Variants in PLEKHN1 observed in about 807,000 individuals in gnomAD.
PLEKHN1 encodes pleckstrin homology domain containing N1.
Under a neutral mutation model 72.8 loss-of-function variants are expected in PLEKHN1, and 68 were observed. The ratio of observed to expected loss-of-function variants is 0.93; its 90% CI spans 0.77 to 1.14. The LOEUF (loss-of-function observed/expected upper bound fraction) is 1.14, where lower values mean the gene tolerates loss of function less well. PLEKHN1 is among the 50% of genes most tolerant of loss of function. The probability of loss-of-function intolerance (pLI) is 0.00; values close to 1 mark genes in which losing one functional copy is unlikely to be tolerated. For synonymous variants in PLEKHN1, 454 were observed against 371.6 expected, an observed-to-expected ratio of 1.22 and a Z score of -2.55; for missense variants, 1,015 against 840.5, an observed-to-expected ratio of 1.21 and a Z score of -2.57.
Position 971,001 on chromosome 1 carries a change from C to G in PLEKHN1, c.607C>G (p.Pro203Ala), listed in dbSNP as rs1469260222. 2 of 1,603,418 alleles carry G rather than the reference C, an allele frequency of 1.2e-6. No homozygotes were observed. Among genetic ancestry groups the G allele is most frequent in the Admixed American group, 1.7e-5 (1 of 58,984 alleles). Residue 203 changes from proline to alanine, a missense_variant, in exon 6 of 16, where the codon CCA (proline) becomes GCA (alanine). By Grantham distance (27) the Pro-to-Ala change is conservative. Coordinates refer to ENST00000379410, the MANE Select transcript of PLEKHN1 (RefSeq NM_032129.3). Reference protein sequence around the residue: ...GGPRRCHSAPPQRRLTRLRTA... With the variant: ...GGPRRCHSAPAQRRLTRLRTA... ...GCCGCGGCGCTGCCACTCGGCACCC[C>G]CACAGGTCAGTGCCGGGGACCCCAC... is the stretch of plus-strand genomic sequence containing the variant.
rs1289182988 is a variant in PLEKHN1, at chr1:974,471, C to T, written c.1732C>T (p.Pro578Ser). The T allele has an allele frequency of 3.7e-6, 6 of 1,612,770 alleles. No homozygotes were observed. In the African/African-American group the frequency reaches 4.0e-5, roughly 11 times the overall value. The change falls in exon 16 of 16, where the codon CCC becomes TCC. Residue 578 changes from proline (P) to serine (S), a missense_variant. Transcript: ENST00000379410. ...DGRSPRRSRD[P>S]GYDHLWDETL... ...TCGGTCCCCCAGGAGGAGCCGGGAC[C>T]CCGGCTACGACCACCTCTGGGACGA...
rs1039118324 is a variant in PLEKHN1, at chr1:971,204, C to A, written c.704C>A (p.Ala235Glu). 1.2e-5 allele frequency: 19 copies of A among 1,575,770 alleles called. No homozygotes were observed. Among genetic ancestry groups the A allele is most frequent in the Non-Finnish European group, 1.5e-5 (17 of 1,161,136 alleles). ...AGGGTCAAGCTGCAGCACCTGCCCG[C>A]ACAGGTGGGTGGGAGGTGCGTGGGG... The part of the protein sequence containing the change: ...ASRVKLQHLP[A>E]QEQWDRLLVL... The change falls in exon 7 of 16, where the codon GCA becomes GAA. Residue 235 changes from alanine (A) to glutamate (E), a missense_variant. Ala to Glu is a moderately radical substitution (Grantham distance 107, BLOSUM62 -1). Coordinates refer to ENST00000379410, the MANE Select transcript of PLEKHN1 (RefSeq NM_032129.3).
At chr1:971,298 G>A (rs760783619) in intron 7 of PLEKHN1, 26 bp from the exon 8 acceptor site, 45 of 1,557,752 alleles carry the variant, frequency 2.9e-5, no homozygotes, top group Admixed American at 5.7e-5. Context: ...TTCCCTCATC[G>A]CCTGACCCCA....
chr1:974,197 G>A, intron 14 of PLEKHN1, 119 bp from the exon 15 acceptor site: 1 of 1,531,724 alleles, frequency 6.5e-7, no homozygotes, highest in Admixed American at 1.7e-5. Flanking sequence ...AGGGAGTTGG[G>A]GAGATGGGAC....
chr1:969,642 G>T (rs1643189529), intron 2 of PLEKHN1, among the ~76,000 whole-genome samples: 1 of 138,866 alleles, frequency 7.2e-6, no homozygotes. Flanking sequence ...AACTGTGTAT[G>T]TGTGCACGTG....
chr1:966,778 A>G lies in PLEKHN1; in HGVS notation c.158A>G (p.Lys53Arg). ...AARSGDAAAN[K>R]LFHYIPGTDI... ...CGAAGCGGGGACGCCGCCGCCAACA[A>G]GCTCTTCCACTACATCCCGGGCACG... is the stretch of plus-strand genomic sequence containing the variant. The change falls in exon 2 of 16, where the codon AAG becomes AGG. Residue 53 changes from lysine (K) to arginine (R), a missense_variant. Physicochemically the swap from Lys to Arg is conservative, Grantham distance 26. Transcript: ENST00000379410. 5.1e-6 allele frequency: 8 copies of G among 1,569,948 alleles called. No homozygotes were observed. Among genetic ancestry groups the G allele is most frequent in the South Asian group, 1.2e-5 (1 of 86,232 alleles).
At chr1:971,277 C>T (rs1040195353) in intron 7 of PLEKHN1, 47 bp from the exon 8 acceptor site, 18 of 1,555,132 alleles carry the variant, frequency 1.2e-5, no homozygotes, top group Admixed American at 1.9e-5. Context: ...GGCGGTGCAA[C>T]AGCAGCTCAG....
At position 973,291 on chromosome 1, in the gene PLEKHN1, G is replaced by A. The variant is rs1376966636; in HGVS notation, c.1258G>A (p.Gly420Ser). ...GAGCAAGGCCCGGGCAGAGGGCCGC[G>A]GCCCTGTCACCCCACTGCACCTGGA... ...PGSKARAEGR[G>S]PVTPLHLDLT... Residue 420 changes from glycine (G) to serine (S), a missense_variant, in exon 12 of 16, where the codon GGC becomes AGC. Coordinates refer to ENST00000379410, the MANE Select transcript of PLEKHN1 (RefSeq NM_032129.3). 11 of 1,543,288 alleles carry A rather than the reference G, an allele frequency of 7.1e-6. No individual in the cohort carries two copies. The highest frequency in any genetic ancestry group is 6.8e-5 in the African/African-American group (5 of 73,102).
At position 970,228 on chromosome 1, in the gene PLEKHN1, G is replaced by A. The variant is rs770396126; in HGVS notation, c.184-49G>A. 2.5e-6 allele frequency: 4 copies of A among 1,596,012 alleles called. No individual in the cohort carries two copies. The highest frequency in any genetic ancestry group is 3.4e-6 in the Non-Finnish European group (4 of 1,170,066). On this transcript the variant is annotated intron_variant, in intron 2 of 15. Transcript: ENST00000379410. The surrounding 1 kb of genome is among the most constrained non-coding windows in gnomAD (Gnocchi z 4.2). ...TAGCTGTGTGGATGCGAGCGGAGGG[G>A]GTGGGGGGCCCAGGGGAGGCCCCCT... is the stretch of plus-strand genomic sequence containing the variant.
intron 8 of PLEKHN1, 108 bp downstream of exon 8, chr1:971,512 C>T (rs906278496): frequency 1.4e-5 from 15 of 1,083,628 alleles, no homozygotes; most frequent in Non-Finnish European, 1.9e-5. Flanking sequence ...TGAGACAGAG[C>T]GCAGGGCCCT....
rs1042202561 is a variant in PLEKHN1, at chr1:974,861, G to A, written c.*286G>A. On this transcript the variant is annotated 3_prime_UTR_variant, in exon 16 of 16. Coordinates refer to ENST00000379410, the MANE Select transcript of PLEKHN1 (RefSeq NM_032129.3). Reference sequence around the variant, plus strand: ...ACAGGGTCGGCCCTCAGCTCAGCCCGCCAGGAGTCAGGGAGGAGACTCGCT... The same window carrying A: ...ACAGGGTCGGCCCTCAGCTCAGCCCACCAGGAGTCAGGGAGGAGACTCGCT... The A allele has an allele frequency of 9.5e-5, 43 of 454,756 alleles. No homozygotes were observed. The highest frequency in any genetic ancestry group is 7.5e-4 in the Admixed American group (20 of 26,604). 28.2% of individuals were successfully genotyped at this position (454,756 alleles called of 1,614,324 possible). A position where few individuals can be genotyped will look rare whatever the true frequency, so the allele number is the denominator to read the frequency against.
Position 966,795 on chromosome 1 carries a change from C to CCGGGCA in PLEKHN1, c.179_183+1dup. ...CGCCAACAAGCTCTTCCACTACATC[C>CCGGGCA]CGGGCACGGTGAGCGCGGCGTGCAC... On this transcript the variant is annotated inframe_insertion, in exon 2 of 16. Coordinates refer to ENST00000379410, the MANE Select transcript of PLEKHN1 (RefSeq NM_032129.3). 6.4e-7 allele frequency: 1 copy of CCGGGCA among 1,563,406 alleles called. No individual in the cohort carries two copies. The highest frequency in any genetic ancestry group is 8.7e-7 in the Non-Finnish European group (1 of 1,155,660).
intron 2 of PLEKHN1, among the ~76,000 whole-genome samples, chr1:969,647 CA>C (rs1643190370): frequency 1.5e-5 from 2 of 134,580 alleles, no homozygotes; most frequent in African/African-American, 7.3e-5. Context: ...TGTATGTGTG[CA>C]CGTGTGTATC....
At chr1:974,130 G>C in intron 14 of PLEKHN1, 79 bp downstream of exon 14, 1 of 1,495,164 alleles carries the variant, frequency 6.7e-7, no homozygotes, top group South Asian at 1.2e-5. Context: ...TTGGGACTCT[G>C]AGGGAGCAGG....
rs752454472 is a variant in PLEKHN1, at chr1:971,219, G to A, written c.708+11G>A. 1.3e-6 allele frequency: 2 copies of A among 1,569,106 alleles called. No homozygotes were observed. The highest frequency in any genetic ancestry group is 2.3e-5 in the South Asian group (2 of 85,542). On this transcript the variant is annotated intron_variant, in intron 7 of 15. Coordinates refer to ENST00000379410, the MANE Select transcript of PLEKHN1 (RefSeq NM_032129.3). ...CACCTGCCCGCACAGGTGGGTGGGA[G>A]GTGCGTGGGGCTGTAGGGGGATGGG...
Position 966,549 on chromosome 1 carries a change from T to G in PLEKHN1, c.18T>G (p.Cys6Trp). The part of the protein sequence containing the change: MGNSH[C>W]VPQAPRRLRA... Reference sequence around the variant, plus strand: ...CTCTGGCCATGGGGAACAGCCACTGTGTCCCTCAGGCCCCCAGGAGGCTCC... The same window carrying G: ...CTCTGGCCATGGGGAACAGCCACTGGGTCCCTCAGGCCCCCAGGAGGCTCC... The change falls in exon 1 of 16, where the codon TGT (cysteine) becomes TGG (tryptophan). Residue 6 changes from cysteine to tryptophan, a missense_variant. Physicochemically the swap from Cys to Trp is radical, Grantham distance 215. Transcript: ENST00000379410. 10 of 1,609,142 alleles carry G rather than the reference T, an allele frequency of 6.2e-6. No homozygotes were observed. Among genetic ancestry groups the G allele is most frequent in the Non-Finnish European group, 7.6e-6 (9 of 1,177,248 alleles).
chr1:971,542 C>T, intron 8 of PLEKHN1, 138 bp downstream of exon 8: 1 of 766,694 alleles, frequency 1.3e-6, no homozygotes, highest in East Asian at 2.7e-5. Flanking sequence ...GCCCGCGGTC[C>T]TGGTCAGTCT....
At position 966,798 on chromosome 1, in the gene PLEKHN1, G is replaced by A. The variant is rs751095637; in HGVS notation, c.178G>A (p.Gly60Ser). The A allele has an allele frequency of 3.8e-6, 6 of 1,560,906 alleles. No individual in the cohort carries two copies. Among genetic ancestry groups the A allele is most frequent in the Non-Finnish European group, 5.2e-6 (6 of 1,154,404 alleles). Residue 60 changes from glycine (G) to serine (S), a missense_variant, in exon 2 of 16, where the codon GGC (glycine) becomes AGC (serine). Gly to Ser is a moderately conservative substitution (Grantham distance 56). Coordinates refer to ENST00000379410, the MANE Select transcript of PLEKHN1 (RefSeq NM_032129.3). ...AANKLFHYIP[G>S]TDILDLENQR... ...CAACAAGCTCTTCCACTACATCCCG[G>A]GCACGGTGAGCGCGGCGTGCACGGT... is the stretch of plus-strand genomic sequence containing the variant.
chr1:973,640 G>A lies in PLEKHN1; in HGVS notation c.1434G>A (p.Glu478=), dbSNP rs777149439. Reference sequence around the variant, plus strand: ...TCACAGATGTCCGGGGCCTGGAGGAGGTCAGGCCCCTGCTGGGTGACAGAA... The same window carrying A: ...TCACAGATGTCCGGGGCCTGGAGGAAGTCAGGCCCCTGCTGGGTGACAGAA... ...RRVTDVRGLE[E]FLSAMQSARG... The change falls in exon 13 of 16, where the codon GAG becomes GAA. Residue 478 remains glutamate (E), a splice_region_variant and synonymous_variant. Transcript: ENST00000379410. 8.7e-6 allele frequency: 14 copies of A among 1,612,176 alleles called. No individual in the cohort carries two copies. The South Asian group carries it at 1.5e-4, about 18-fold the overall frequency.
Sources: allele counts gnomAD v4.1 joint callset (sites outside exome capture counted in the v4.1 genomes callset), GRCh38; gene constraint gnomAD v4.1.1; non-coding constraint Gnocchi (gnomAD v3.1); transcripts MANE v1.5; gene names NCBI Gene and HGNC (gene_info 2026-07-23, HGNC 2026-07-21).